The following HS3ST4 variants were observed in gnomAD, a reference collection of about 807,000 sequenced individuals.
HS3ST4 encodes the protein heparan sulfate-glucosamine 3-sulfotransferase 4.
Under a neutral mutation model 29.2 loss-of-function variants are expected in HS3ST4, and 17 were observed. The ratio of observed to expected loss-of-function variants is 0.58; its 90% CI spans 0.40 to 0.87. HS3ST4 has a LOEUF of 0.87. Among genes scored for constraint, HS3ST4 ranks in the 40% least tolerant of loss-of-function variants. HS3ST4 has a pLI of 0.00. For synonymous variants in HS3ST4, 314 were observed against 285.7 expected, an observed-to-expected ratio of 1.10 and a Z score of -1.00; for missense variants, 627 against 634.5, an observed-to-expected ratio of 0.99 and a Z score of 0.13.
At chr16:25,817,522 A>G (rs934398438) in intron 1 of HS3ST4, among the ~76,000 whole-genome samples, 1 of 152,242 alleles carries the variant, frequency 6.6e-6, no homozygotes, top group Non-Finnish European at 1.5e-5. Context: ...GCAGCAAGCC[A>G]TATTTGGCCA....
chr16:25,712,768 A>G (rs983140243), intron 1 of HS3ST4, among the ~76,000 whole-genome samples: 21 of 152,220 alleles, frequency 1.4e-4, no homozygotes, highest in Non-Finnish European at 3.1e-4. Flanking sequence ...TGAGAAAAGA[A>G]TCCCCAACAG....
At chr16:25,913,970 A>T (rs1292183027) in intron 1 of HS3ST4, among the ~76,000 whole-genome samples, 2 of 134,618 alleles carry the variant, frequency 1.5e-5, no homozygotes. Context: ...GATGTGGTAG[A>T]TGTGTATGTG....
At chr16:25,799,503 C>T (rs2141623367) in intron 1 of HS3ST4, among the ~76,000 whole-genome samples, 1 of 152,250 alleles carries the variant, frequency 6.6e-6, no homozygotes, top group East Asian at 1.9e-4. Flanking sequence ...CAGTGTCTAA[C>T]CTTTCAGCCT....
chr16:26,058,085 C>A (rs555395876), intron 1 of HS3ST4, among the ~76,000 whole-genome samples: 4 of 152,304 alleles, frequency 2.6e-5, no homozygotes, highest in African/African-American at 9.6e-5. Context: ...GGAGGCAACA[C>A]AAGTTGTTGC....
At chr16:25,888,982 T>C (rs988087704) in intron 1 of HS3ST4, among the ~76,000 whole-genome samples, 1 of 152,210 alleles carries the variant, frequency 6.6e-6, no homozygotes, top group African/African-American at 2.4e-5. Context: ...TCAGAACTGC[T>C]GACACTAATG....
chr16:26,007,849 C>A (rs917528009), intron 1 of HS3ST4, among the ~76,000 whole-genome samples: 8 of 152,052 alleles, frequency 5.3e-5, no homozygotes, highest in Admixed American at 5.2e-4. Context: ...CCCCGCCCAC[C>A]ACCTATCCCC....
intron 1 of HS3ST4, among the ~76,000 whole-genome samples, chr16:25,947,915 C>CA (rs995962255): frequency 6.7e-5 from 10 of 149,830 alleles, no homozygotes; most frequent in Non-Finnish European, 1.0e-4. Context: ...ATGGTCTATG[C>CA]AAAAAAAAAG....
intron 1 of HS3ST4, among the ~76,000 whole-genome samples, chr16:25,761,449 C>T (rs1966788120): frequency 6.6e-6 from 1 of 152,218 alleles, no homozygotes; most frequent in South Asian, 2.1e-4. Flanking sequence ...TACCTAGCAG[C>T]TACCATCTTG....
chr16:25,960,267 G>A (rs1393925933), intron 1 of HS3ST4, among the ~76,000 whole-genome samples: 2 of 152,202 alleles, frequency 1.3e-5, no homozygotes, highest in Non-Finnish European at 2.9e-5. Context: ...CTGAGCAGAT[G>A]TGGGTACCAT....
chr16:25,820,565 T>G (rs1179438929), intron 1 of HS3ST4, among the ~76,000 whole-genome samples: 1 of 149,068 alleles, frequency 6.7e-6, no homozygotes, highest in Non-Finnish European at 1.5e-5. Flanking sequence ...GGCTAATTAA[T>G]ACAAGTTTTG....
chr16:25,793,012 G>A (rs1342972054), intron 1 of HS3ST4, among the ~76,000 whole-genome samples: 1 of 151,568 alleles, frequency 6.6e-6, no homozygotes, highest in African/African-American at 2.4e-5. Flanking sequence ...GGTAATTTTT[G>A]TTTTACTCAT....
chr16:26,022,393 A>G (rs923445647), intron 1 of HS3ST4, among the ~76,000 whole-genome samples: 1 of 152,222 alleles, frequency 6.6e-6, no homozygotes, highest in Admixed American at 6.5e-5. Flanking sequence ...CTGCAATTAC[A>G]TAGTGGACAC....
At chr16:25,745,842 T>C (rs996215449) in intron 1 of HS3ST4, among the ~76,000 whole-genome samples, 1 of 152,224 alleles carries the variant, frequency 6.6e-6, no homozygotes, top group African/African-American at 2.4e-5. Context: ...CTCTGACTTA[T>C]CCTAACCATT....
intron 1 of HS3ST4, among the ~76,000 whole-genome samples, chr16:26,035,258 T>C (rs1289390882): frequency 4.6e-5 from 7 of 152,188 alleles, no homozygotes; most frequent in African/African-American, 9.7e-5. Context: ...ATTTGCTTGG[T>C]CTCCACCTCT....
At chr16:25,866,241 C>A (rs1967693430) in intron 1 of HS3ST4, among the ~76,000 whole-genome samples, 1 of 152,188 alleles carries the variant, frequency 6.6e-6, no homozygotes, top group African/African-American at 2.4e-5. Flanking sequence ...ACCCAGACTT[C>A]ATATGTGTCA....
At chr16:26,056,040 CAGAGAGAGAGAGAGAGAGAGAG>C (rs55688033) in intron 1 of HS3ST4, among the ~76,000 whole-genome samples, 11 of 147,952 alleles carry the variant, frequency 7.4e-5, no homozygotes, top group Non-Finnish European at 1.6e-4. Context: ...AAGAGAGAGA[CAGAGAGAGAGAGAGAGAGAGAG>C]AGAGAGAGAG....
chr16:25,887,849 C>G (rs1185766030), intron 1 of HS3ST4, among the ~76,000 whole-genome samples: 1 of 151,946 alleles, frequency 6.6e-6, no homozygotes, highest in African/African-American at 2.4e-5. Context: ...AGGCGCCCAC[C>G]ACCACGCCCA....
At chr16:25,831,396 TACAC>T (rs58851793) in intron 1 of HS3ST4, among the ~76,000 whole-genome samples, 2,394 of 126,086 alleles carry the variant, frequency 0.019, 30 homozygotes, top group Middle Eastern at 0.037. Context: ...ACCCCGTCTC[TACAC>T]ACACACACAC....
chr16:25,769,318 T>TCACCTCTTCATCCCTCTCTCTTTCC (rs1966839150), intron 1 of HS3ST4, among the ~76,000 whole-genome samples: 2 of 152,108 alleles, frequency 1.3e-5, no homozygotes, highest in South Asian at 4.1e-4. Flanking sequence ...TTGATCTTTC[T>TCACCTCTTCATCCCTCTCTCTTTCC]CACCTCTTCA....
Sources: gnomAD v4.1 joint callset for allele counts (sites outside exome capture counted in the v4.1 genomes callset) on GRCh38, gnomAD v4.1.1 for gene constraint, MANE v1.5 for transcripts, NCBI Gene and HGNC (gene_info 2026-07-23, HGNC 2026-07-21) for gene names.